The following RAB3B variants were observed in gnomAD, a reference collection of about 807,000 sequenced individuals.
The protein encoded by RAB3B is RAB3B, member RAS oncogene family.
In RAB3B, 11 loss-of-function variants were observed where a neutral mutation model predicts 20.5. That is an observed-to-expected ratio of 0.54 (90% CI 0.34 to 0.89). The LOEUF (loss-of-function observed/expected upper bound fraction) is 0.89. Among genes scored for constraint, RAB3B ranks in the 40% least tolerant of loss-of-function variants. The pLI, the probability that RAB3B is intolerant of heterozygous loss-of-function variation, is 0.02. For synonymous variants in RAB3B, 99 were observed against 106.3 expected (o/e 0.93, Z 0.42); for missense variants, 225 against 280.9 (o/e 0.80, Z 1.42).
At chr1:51,934,345 C>T (rs1403499015) in intron 3 of RAB3B, among the ~76,000 whole-genome samples, 1 of 152,134 alleles carries the variant, frequency 6.6e-6, no homozygotes, top group Non-Finnish European at 1.5e-5. Flanking sequence ...CAAGCTTCTC[C>T]TAGATCCACT....
chr1:51,938,831 T>C (rs1363842202), intron 2 of RAB3B, among the ~76,000 whole-genome samples: 4 of 151,830 alleles, frequency 2.6e-5, no homozygotes, highest in Non-Finnish European at 2.9e-5. Flanking sequence ...CGGCTAATTT[T>C]TGTATTTTTA....
intron 2 of RAB3B, among the ~76,000 whole-genome samples, chr1:51,942,060 T>C (rs992714636): frequency 6.6e-6 from 1 of 152,236 alleles, no homozygotes; most frequent in Non-Finnish European, 1.5e-5. Context: ...CTCTGCTTCC[T>C]GAGCTCCTCA....
intron 2 of RAB3B, among the ~76,000 whole-genome samples, chr1:51,959,535 G>T (rs2124287412): frequency 6.6e-6 from 1 of 152,190 alleles, no homozygotes; most frequent in South Asian, 2.1e-4. Flanking sequence ...GAAACAAAAA[G>T]GAAATGTGGG....
At chr1:51,959,746 AT>A (rs1396778150) in intron 2 of RAB3B, among the ~76,000 whole-genome samples, 3 of 152,238 alleles carry the variant, frequency 2.0e-5, no homozygotes, top group Non-Finnish European at 4.4e-5. Flanking sequence ...TTAGCTAATA[AT>A]AGTATATCGA....
chr1:51,976,799 A>G, intron 2 of RAB3B, 91 bp downstream of exon 2: 2 of 1,147,854 alleles, frequency 1.7e-6, no homozygotes, highest in Non-Finnish European at 1.3e-6. Context: ...TGTAAGGCCC[A>G]GAAGTTCCAA....
In RAB3B at chr1:51,914,086, T is replaced by C. The variant is rs1388540164; in HGVS notation, c.*5841A>G. 2.0e-5 allele frequency: 3 copies of C among 152,238 alleles called. No individual in the cohort carries two copies. Among genetic ancestry groups the C allele is most frequent in the African/African-American group, 7.2e-5 (3 of 41,444 alleles). The allele number at this position is 152,238 out of a possible 1,614,324, so 9.4% of individuals were successfully genotyped here. A position where few individuals can be genotyped will look rare whatever the true frequency, so the allele number is the denominator to read the frequency against. On this transcript the variant is annotated 3_prime_UTR_variant, in exon 5 of 5. Coordinates refer to ENST00000371655, the MANE Select transcript of RAB3B (RefSeq NM_002867.4). Reference sequence around the variant, plus strand: ...CAACCCACAGAATCATAAGAAATGATACATGTTTGTTGTTTTAAGCCTGTA... The same window carrying C: ...CAACCCACAGAATCATAAGAAATGACACATGTTTGTTGTTTTAAGCCTGTA...
intron 2 of RAB3B, among the ~76,000 whole-genome samples, chr1:51,941,454 G>C (rs1684492777): frequency 6.6e-6 from 1 of 152,186 alleles, no homozygotes; most frequent in Non-Finnish European, 1.5e-5. Flanking sequence ...CTTTGCAGTA[G>C]TACAGGTCAG....
chr1:51,949,542 C>T (rs1340979192), intron 2 of RAB3B, among the ~76,000 whole-genome samples: 1 of 152,208 alleles, frequency 6.6e-6, no homozygotes, highest in Non-Finnish European at 1.5e-5. Context: ...GTCCAGCCAG[C>T]CATTCCGAGT....
intron 4 of RAB3B, among the ~76,000 whole-genome samples, chr1:51,932,946 T>C (rs1393909212): frequency 6.6e-6 from 1 of 152,200 alleles, no homozygotes; most frequent in Non-Finnish European, 1.5e-5. Context: ...CACCCTTGCT[T>C]TCCCTTTGCT....
chr1:51,975,457 T>G (rs1038277606), intron 2 of RAB3B, among the ~76,000 whole-genome samples: 6 of 152,210 alleles, frequency 3.9e-5, no homozygotes, highest in African/African-American at 1.4e-4. Flanking sequence ...TCCACACTTT[T>G]GTGTAGTTTC....
At chr1:51,921,897 A>G (rs111563252) in intron 4 of RAB3B, among the ~76,000 whole-genome samples, 1,636 of 152,186 alleles carry the variant, frequency 0.011, 38 homozygotes, top group South Asian at 0.093. Flanking sequence ...TTATTCCACC[A>G]TCCATAGAGA....
At chr1:51,930,604 T>C (rs1269267683) in intron 4 of RAB3B, among the ~76,000 whole-genome samples, 1 of 152,188 alleles carries the variant, frequency 6.6e-6, no homozygotes, top group East Asian at 1.9e-4. Context: ...GGAAAGAACA[T>C]ATCTTGGAGG....
chr1:51,930,590 A>C (rs1684309103), intron 4 of RAB3B, among the ~76,000 whole-genome samples: 1 of 152,236 alleles, frequency 6.6e-6, no homozygotes, highest in African/African-American at 2.4e-5. Flanking sequence ...AAATGTGGAG[A>C]TAAGGAAAGA....
intron 4 of RAB3B, among the ~76,000 whole-genome samples, chr1:51,925,589 T>C (rs1358394740): frequency 6.6e-6 from 1 of 152,220 alleles, no homozygotes; most frequent in Non-Finnish European, 1.5e-5. Flanking sequence ...TGCTTCCTGA[T>C]TTTGTGCCAT....
At chr1:51,931,838 G>T (rs1032608938) in intron 4 of RAB3B, among the ~76,000 whole-genome samples, 15 of 152,126 alleles carry the variant, frequency 9.9e-5, no homozygotes. Context: ...AGAAGATGGG[G>T]AGTAGAAGAG....
intron 1 of RAB3B, among the ~76,000 whole-genome samples, chr1:51,982,726 G>A (rs938304222): frequency 2.6e-5 from 4 of 151,704 alleles, no homozygotes; most frequent in Non-Finnish European, 1.5e-5. Flanking sequence ...TCCAGCCTGG[G>A]TGACAGAGCA....
chr1:51,930,924 G>A (rs1056214300), intron 4 of RAB3B, among the ~76,000 whole-genome samples: 2 of 152,044 alleles, frequency 1.3e-5, no homozygotes, highest in Admixed American at 1.3e-4. Flanking sequence ...AGCTGAGGCA[G>A]GAGAATCACT....
At chr1:51,958,748 G>A (rs572766474) in intron 2 of RAB3B, among the ~76,000 whole-genome samples, 1 of 150,530 alleles carries the variant, frequency 6.6e-6, no homozygotes, top group South Asian at 2.1e-4. Context: ...AGAAAAGAAA[G>A]TGGCCTACTC....
chr1:51,974,404 T>C (rs1557976544), intron 2 of RAB3B, among the ~76,000 whole-genome samples: 1 of 152,176 alleles, frequency 6.6e-6, no homozygotes, highest in Non-Finnish European at 1.5e-5. Context: ...TCTGACTCAA[T>C]AGTTCTGAGG....
Sources: allele counts gnomAD v4.1 joint callset (sites outside exome capture counted in the v4.1 genomes callset), GRCh38; gene constraint gnomAD v4.1.1; transcripts MANE v1.5; gene names NCBI Gene and HGNC (gene_info 2026-07-23, HGNC 2026-07-21).